Variants in EEF1A1 observed in about 807,000 individuals in gnomAD.
EEF1A1 encodes elongation factor 1-alpha 1.
In EEF1A1, 1 loss-of-function variant was observed where a neutral mutation model predicts 38.5. The observed-to-expected ratio is 0.03, with a 90% CI of 0.01 to 0.12. The LOEUF (loss-of-function observed/expected upper bound fraction) is 0.12, where lower values mean the gene tolerates loss of function less well. Ranked by LOEUF, EEF1A1 falls within the 10% of genes least tolerant of loss-of-function variation. EEF1A1 has a pLI of 1.00. For synonymous variants in EEF1A1, 229 were observed against 203.7 expected, an observed-to-expected ratio of 1.12 and a Z score of -1.06; for missense variants, 184 against 588.3, an observed-to-expected ratio of 0.31 and a Z score of 7.11.
At chr6:73,520,708 A>T (rs746156200) in intron 1 of EEF1A1, 2 of 152,342 alleles carry the variant, frequency 1.3e-5, no homozygotes, top group African/African-American at 4.8e-5. Flanking sequence ...GCGTCGCAGC[A>T]GGTCATCAAA....
rs1434910976 is a variant in EEF1A1, at chr6:73,516,244, AGCAATACACATTGCCAGTCAC to A, written c.*1545_*1565del. 1.3e-5 allele frequency: 2 copies of A among 152,204 alleles called. No individual in the cohort carries two copies. The highest frequency in any genetic ancestry group is 4.8e-5 in the African/African-American group (2 of 41,450). 9.4% of individuals were successfully genotyped at this position (152,204 alleles called of 1,614,324 possible). A position where few individuals can be genotyped will look rare whatever the true frequency, so the allele number is the denominator to read the frequency against. On this transcript the variant is annotated 3_prime_UTR_variant, in exon 8 of 8. Transcript: ENST00000309268. ...CCAATTCAAGTACCTTTGAATCTTG[AGCAATACACATTGCCAGTCAC>A]TTTAAGAGGCCTTATCTCTTGGGCT...
chr6:73,519,496 C>T lies in EEF1A1; in HGVS notation c.165G>A (p.Lys55=). ...TCAGTTTATCCAAGACCCAGGCATA[C>T]TTGAAGGAGCCCTTTCCCATCTGTA... ...EAAEMGKGSF[K]YAWVLDKLKA... is the part of the protein sequence containing the mutation. The change falls in exon 3 of 8, where the codon AAG becomes AAA. Residue 55 remains lysine, a synonymous_variant. Coordinates refer to ENST00000309268, the MANE Select transcript of EEF1A1 (RefSeq NM_001402.6). 6.3e-7 allele frequency: 1 copy of T among 1,596,746 alleles called. No homozygotes were observed. Among genetic ancestry groups the T allele is most frequent in the South Asian group, 1.1e-5 (1 of 90,922 alleles).
Position 73,517,945 on chromosome 6 carries a change from A to T in EEF1A1, c.1265-11T>A, listed in dbSNP as rs1236183898. The stretch of plus-strand genomic sequence containing the variant: ...GAACAGCAAAGCGACCTATTAAAAA[A>T]AAAGTTAATTATTACCCAAAGTACT... On this transcript the variant is annotated splice_polypyrimidine_tract_variant and intron_variant, in intron 7 of 7. Coordinates refer to ENST00000309268, the MANE Select transcript of EEF1A1 (RefSeq NM_001402.6). 2 of 1,613,946 alleles carry T rather than the reference A, an allele frequency of 1.2e-6. No homozygotes were observed. The highest frequency in any genetic ancestry group is 1.7e-6 in the Non-Finnish European group (2 of 1,179,966).
At position 73,518,267 on chromosome 6, in the gene EEF1A1, T is replaced by A. The variant is rs1024058655; in HGVS notation, c.1030-3A>T. On this transcript the variant is annotated splice_region_variant and splice_polypyrimidine_tract_variant and intron_variant, in intron 6 of 7. Coordinates refer to ENST00000309268, the MANE Select transcript of EEF1A1 (RefSeq NM_001402.6). ...CCTGGATGGTTCAGGATAATCACCT[T>A]GGAAAAAAGATTTGCATTCAGTGCA... 6 of 1,610,604 alleles carry A rather than the reference T, an allele frequency of 3.7e-6. No individual in the cohort carries two copies. The African/African-American group carries it at 8.0e-5, about 22-fold the overall frequency.
chr6:73,518,783 A>G lies in EEF1A1; in HGVS notation c.687T>C (p.Leu229=). ...KDGNASGTTL[L]EALDCILPPT... ...GTGGTAGGATGCAGTCCAGAGCCTC[A>G]AGCAGCGTGGTTCCACTGGCATTGC... is the stretch of plus-strand genomic sequence containing the variant. The change falls in exon 5 of 8, where the codon CTT becomes CTC. Residue 229 remains leucine (L), a synonymous_variant. Transcript: ENST00000309268. The G allele has an allele frequency of 6.2e-7, 1 of 1,614,186 alleles. No homozygotes were observed. Among genetic ancestry groups the G allele is most frequent in the Non-Finnish European group, 8.5e-7 (1 of 1,180,034 alleles).
chr6:73,519,346 C>T lies in EEF1A1; in HGVS notation c.315G>A (p.Gly105=). ...HRDFIKNMIT[G]TSQADCAVLI... ...TATTAATCCCACCAACCTGAGATGT[C>T]CCTGTAATCATGTTTTTGATAAAGT... Residue 105 remains glycine, a synonymous_variant, in exon 3 of 8, where the codon GGG becomes GGA. Transcript: ENST00000309268. 3.7e-6 allele frequency: 6 copies of T among 1,612,612 alleles called. No homozygotes were observed. The highest frequency in any genetic ancestry group is 5.1e-6 in the Non-Finnish European group (6 of 1,179,012).
At position 73,518,864 on chromosome 6, in the gene EEF1A1, G is replaced by C; in HGVS notation, c.622-16C>G. The C allele has an allele frequency of 6.2e-7, 1 of 1,612,672 alleles. No individual in the cohort carries two copies. The highest frequency in any genetic ancestry group is 1.1e-5 in the South Asian group (1 of 91,064). ...ACCAAGGCATCTGAAACACAAGCAT[G>C]CCAATTTGTGTAAGCATGAAATCGC... On this transcript the variant is annotated splice_polypyrimidine_tract_variant and intron_variant, in intron 4 of 7. Transcript: ENST00000309268.
rs777353298 is a variant in EEF1A1 at position 73,518,953 on chromosome 6, G to A, written c.600C>T (p.Asn200=). 5 of 1,611,436 alleles carry A rather than the reference G, an allele frequency of 3.1e-6. No homozygotes were observed. Among genetic ancestry groups the A allele is most frequent in the African/African-American group, 2.7e-5 (2 of 74,840 alleles). ...FVPISGWNGD[N]MLEPSANMPW... is the part of the protein sequence containing the mutation. ...TTACGTTAGCACTTGGCTCCAGCAT[G>A]TTGTCACCATTCCAACCAGAAATTG... The change falls in exon 4 of 8, where the codon AAC becomes AAT. Residue 200 remains asparagine (N), a synonymous_variant. Transcript: ENST00000309268.
chr6:73,520,556 G>C (rs1765630316), intron 1 of EEF1A1: 1 of 152,716 alleles, frequency 6.5e-6, no homozygotes, highest in Admixed American at 6.5e-5. Flanking sequence ...TCCGATTCTC[G>C]GTGGCCGCGC....
chr6:73,519,281 G>A, intron 3 of EEF1A1, 53 bp from the exon 4 acceptor site: 5 of 1,606,506 alleles, frequency 3.1e-6, no homozygotes, highest in South Asian at 1.1e-5. Context: ...GACAAAACCA[G>A]TGTACAAAGC....
chr6:73,517,939 T>C lies in EEF1A1; in HGVS notation c.1265-5A>G. 6.2e-7 allele frequency: 1 copy of C among 1,610,800 alleles called. No individual in the cohort carries two copies. Among genetic ancestry groups the C allele is most frequent in the South Asian group, 1.1e-5 (1 of 90,762 alleles). On this transcript the variant is annotated splice_region_variant and splice_polypyrimidine_tract_variant and intron_variant, in intron 7 of 7. Coordinates refer to ENST00000309268, the MANE Select transcript of EEF1A1 (RefSeq NM_001402.6). ...TATCACGAACAGCAAAGCGACCTAT[T>C]AAAAAAAAAGTTAATTATTACCCAA...
rs571210896 is a variant in EEF1A1, at chr6:73,519,550, A to G, written c.145-34T>C. On this transcript the variant is annotated intron_variant, in intron 2 of 7. Coordinates refer to ENST00000309268, the MANE Select transcript of EEF1A1 (RefSeq NM_001402.6). Reference sequence around the variant, plus strand: ...ATTAAGAGTCGTTACTTGGTTACTAAAACACAAACTCCAGCTTCAATTTCC... The same window carrying G: ...ATTAAGAGTCGTTACTTGGTTACTAGAACACAAACTCCAGCTTCAATTTCC... The G allele has an allele frequency of 2.6e-6, 4 of 1,554,138 alleles. No individual in the cohort carries two copies. In the South Asian group the frequency reaches 4.7e-5, roughly 18 times the overall value.
At position 73,516,721 on chromosome 6, in the gene EEF1A1, G is replaced by C. The variant is rs953269504; in HGVS notation, c.*1089C>G. The C allele has an allele frequency of 6.6e-6, 1 of 152,064 alleles. No homozygotes were observed. Among genetic ancestry groups the C allele is most frequent in the Non-Finnish European group, 1.5e-5 (1 of 68,014 alleles). 9.4% of individuals were successfully genotyped at this position (152,064 alleles called of 1,614,324 possible). ...AGACACTTTTACATATGGGAGGTCA[G>C]GCACAGTGGCTCATGCCTGTAATCC... On this transcript the variant is annotated 3_prime_UTR_variant, in exon 8 of 8. Coordinates refer to ENST00000309268, the MANE Select transcript of EEF1A1 (RefSeq NM_001402.6).
intron 1 of EEF1A1, chr6:73,520,696 A>G (rs1765633701): frequency 6.6e-6 from 1 of 152,342 alleles, no homozygotes; most frequent in Non-Finnish European, 1.5e-5. Context: ...GCCAGAAAAA[A>G]AGCGTCGCAG....
chr6:73,518,400 T>C lies in EEF1A1; in HGVS notation c.983A>G (p.Asp328Gly), dbSNP rs1561962632. Reference protein sequence around the residue: ...KDVRRGNVAGDSKNDPPMEAA... With the variant: ...KDVRRGNVAGGSKNDPPMEAA... Reference sequence around the variant, plus strand: ...TTCCATTGGTGGGTCATTTTTGCTGTCACCAGCAACGTTGCCACGACGAAC... The same window carrying C: ...TTCCATTGGTGGGTCATTTTTGCTGCCACCAGCAACGTTGCCACGACGAAC... The change falls in exon 6 of 8, where the codon GAC becomes GGC. Residue 328 changes from aspartate (D) to glycine (G), a missense_variant. Coordinates refer to ENST00000309268, the MANE Select transcript of EEF1A1 (RefSeq NM_001402.6). 1 of 1,613,664 alleles carries C rather than the reference T, an allele frequency of 6.2e-7. No homozygotes were observed. Among genetic ancestry groups the C allele is most frequent in the Admixed American group, 1.7e-5 (1 of 60,010 alleles).
chr6:73,518,857 CAAGCATGCCAATTTGTGT>C lies in EEF1A1; in HGVS notation c.622-27_622-10del, dbSNP rs1765586896. 6.2e-7 allele frequency: 1 copy of C among 1,612,914 alleles called. No individual in the cohort carries two copies. Among genetic ancestry groups the C allele is most frequent in the Admixed American group, 1.7e-5 (1 of 59,948 alleles). On this transcript the variant is annotated splice_polypyrimidine_tract_variant and intron_variant, in intron 4 of 7. Coordinates refer to ENST00000309268, the MANE Select transcript of EEF1A1 (RefSeq NM_001402.6). ...CCCTTGAACCAAGGCATCTGAAACA[CAAGCATGCCAATTTGTGT>C]AAGCATGAAATCGCCATTCCCAGAG...
At position 73,517,796 on chromosome 6, in the gene EEF1A1, A is replaced by G. The variant is rs752926143; in HGVS notation, c.*14T>C. On this transcript the variant is annotated 3_prime_UTR_variant, in exon 8 of 8. Transcript: ENST00000309268. The stretch of plus-strand genomic sequence containing the variant: ...ACTGATTAAGAGTGGGGTGGCAGGT[A>G]TTAGGGATAATATTCATTTAGCCTT... 7.7e-6 allele frequency: 11 copies of G among 1,425,080 alleles called. No homozygotes were observed. Among genetic ancestry groups the G allele is most frequent in the Middle Eastern group, 2.5e-4 (1 of 3,998 alleles). 88.3% of individuals were successfully genotyped at this position (1,425,080 alleles called of 1,614,324 possible). A position where few individuals can be genotyped will look rare whatever the true frequency, so the allele number is the denominator to read the frequency against.
At position 73,517,867 on chromosome 6, in the gene EEF1A1, C is replaced by T. The variant is rs760149810; in HGVS notation, c.1332G>A (p.Lys444=). 3.1e-6 allele frequency: 5 copies of T among 1,608,302 alleles called. No homozygotes were observed. The highest frequency in any genetic ancestry group is 1.3e-5 in the African/African-American group (1 of 74,500). Residue 444 remains lysine, a synonymous_variant, in exon 8 of 8, where the codon AAG becomes AAA. Transcript: ENST00000309268. ...AVGVIKAVDK[K]AAGAGKVTKS... ...TGGTGACCTTGCCAGCTCCAGCAGC[C>T]TTCTTGTCCACTGCTTTGATGACAC...
Position 73,519,144 on chromosome 6 carries a change from C to T in EEF1A1, c.409G>A (p.Ala137Thr). ...ISKNGQTREHALLAYTLGVKQ... is the reference protein window; with the variant it reads ...ISKNGQTREHTLLAYTLGVKQ... ...ACACCCAGTGTGTAAGCCAGAAGGG[C>T]ATGCTCTCGGGTCTGCCCATTCTTG... The change falls in exon 4 of 8, where the codon GCC (alanine) becomes ACC (threonine). Residue 137 changes from alanine (A) to threonine (T), a missense_variant. Transcript: ENST00000309268. The T allele has an allele frequency of 6.3e-7, 1 of 1,596,388 alleles. No individual in the cohort carries two copies. Among genetic ancestry groups the T allele is most frequent in the Non-Finnish European group, 8.5e-7 (1 of 1,175,560 alleles).
Sources: gnomAD v4.1 joint callset for allele counts on GRCh38, gnomAD v4.1.1 for gene constraint, MANE v1.5 for transcripts, NCBI Gene and HGNC (gene_info 2026-07-23, HGNC 2026-07-21) for gene names.